HSPH1: variants seen among roughly 807,000 people sequenced by gnomAD.
HSPH1 encodes heat shock protein family H (Hsp110) member 1, also known as heat shock protein 105 kDa.
A neutral mutation model predicts 100.0 loss-of-function variants in HSPH1; 40 were observed. That is an observed-to-expected ratio of 0.40 (90% confidence interval 0.31 to 0.52). The LOEUF is 0.52. Ranked by LOEUF, HSPH1 falls within the 20% of genes least tolerant of loss-of-function variation. The pLI is 0.54. For synonymous variants in HSPH1, 403 were observed against 344.0 expected (o/e 1.17, Z -1.90); for missense variants, 876 against 1,015.1 (o/e 0.86, Z 1.86).
At chr13:31,154,807 G>A in intron 3 of HSPH1, 52 bp from the exon 4 acceptor site, 13 of 1,507,902 alleles carry the variant, frequency 8.6e-6, no homozygotes, top group Non-Finnish European at 1.2e-5. Context: ...TAAGCTACAT[G>A]CCAATATTTA....
chr13:31,161,910 G>A (rs542373887), upstream of HSPH1: 28 of 1,511,944 alleles, frequency 1.9e-5, no homozygotes, highest in African/African-American at 5.5e-5. Flanking sequence ...GACCCAAAAG[G>A]GGAGGTCCCA....
chr13:31,157,743 G>A (rs1452734844), intron 2 of HSPH1, among the ~76,000 whole-genome samples: 1 of 152,138 alleles, frequency 6.6e-6, no homozygotes, highest in Non-Finnish European at 1.5e-5. Context: ...GGTCTGTCTA[G>A]ATCAGTGCTG....
rs1286867417 is a variant in HSPH1, at chr13:31,143,984, A to C, written c.1585-61T>G. ...GCAGGTGTACTTGTATAAATTTTTA[A>C]AGTTAAAGGGCACCAAAGAAAGTAC... is the stretch of plus-strand genomic sequence containing the variant. On this transcript the variant is annotated intron_variant, in intron 11 of 17. Coordinates refer to ENST00000320027, the MANE Select transcript of HSPH1 (RefSeq NM_006644.4). 7.3e-6 allele frequency: 10 copies of C among 1,372,070 alleles called. No individual in the cohort carries two copies. The East Asian group carries it at 1.1e-4, about 15-fold the overall frequency. The allele number at this position is 1,372,070 out of a possible 1,614,324, so 85.0% of individuals were successfully genotyped here. A position where few individuals can be genotyped will look rare whatever the true frequency, so the allele number is the denominator to read the frequency against.
chr13:31,141,291 T>C (rs767547367), intron 12 of HSPH1, 32 bp from the exon 13 acceptor site: 1 of 1,555,902 alleles, frequency 6.4e-7, no homozygotes, highest in Non-Finnish European at 8.7e-7. Flanking sequence ...AGGAAAAAAT[T>C]TTAAACAACC....
At position 31,138,770 on chromosome 13, in the gene HSPH1, G is replaced by C; in HGVS notation, c.2208+11C>G. 6.3e-7 allele frequency: 1 copy of C among 1,598,202 alleles called. No individual in the cohort carries two copies. Among genetic ancestry groups the C allele is most frequent in the Non-Finnish European group, 8.5e-7 (1 of 1,175,682 alleles). On this transcript the variant is annotated intron_variant, in intron 16 of 17. Transcript: ENST00000320027. ...TTAACTTCCTCCCTATGTACAAAAAGACTGACTCACCTTATTTCTGAAGTC... is the reference window on the plus strand; with the variant it reads ...TTAACTTCCTCCCTATGTACAAAAACACTGACTCACCTTATTTCTGAAGTC...
intron 11 of HSPH1, 118 bp downstream of exon 11, chr13:31,145,445 T>G (rs1956233653): frequency 1.3e-6 from 1 of 744,864 alleles, no homozygotes; most frequent in Non-Finnish European, 2.2e-6. Flanking sequence ...TACCTAAAAT[T>G]CTGATCAAAA....
chr13:31,144,180 C>A (rs1335265714), intron 11 of HSPH1, among the ~76,000 whole-genome samples: 1 of 152,070 alleles, frequency 6.6e-6, no homozygotes, highest in African/African-American at 2.4e-5. Context: ...GATGTGATGA[C>A]AATCAAGAAT....
chr13:31,150,950 T>C lies in HSPH1; in HGVS notation c.905A>G (p.Asn302Ser). ...MNDKDVSGKM[N>S]RSQFEELCAE... ...ATCTGTAGAATTCAAGACACACCTG[T>C]TCATCTTTCCGGAAACATCTTTATC... The change falls in exon 7 of 18, where the codon AAC (asparagine) becomes AGC (serine). Residue 302 changes from asparagine to serine, a missense_variant. Coordinates refer to ENST00000320027, the MANE Select transcript of HSPH1 (RefSeq NM_006644.4). 6.2e-7 allele frequency: 1 copy of C among 1,609,590 alleles called. No individual in the cohort carries two copies. The highest frequency in any genetic ancestry group is 8.5e-7 in the Non-Finnish European group (1 of 1,178,002).
rs777270681 is a variant in HSPH1, at chr13:31,137,357, G to C, written c.2538C>G (p.Tyr846Ter). Reference sequence around the variant, plus strand: ...TATTAACAGAATTTTTCTCATTAGGGTAACATTCACCATTCTGATGTGGAG... The same window carrying C: ...TATTAACAGAATTTTTCTCATTAGGCTAACATTCACCATTCTGATGTGGAG... ...AEPPHQNGEC[Y>*]PNEKNSVNMD... The change falls in exon 18 of 18, where the codon TAC becomes TAG. Residue 846 changes from tyrosine (Y) to a stop codon, truncating the protein, a stop_gained. Coordinates refer to ENST00000320027, the MANE Select transcript of HSPH1 (RefSeq NM_006644.4). LOFTEE classifies it high-confidence loss of function. 1.2e-6 allele frequency: 2 copies of C among 1,612,612 alleles called. No individual in the cohort carries two copies. Among genetic ancestry groups the C allele is most frequent in the Middle Eastern group, 3.3e-4 (2 of 6,062 alleles).
chr13:31,140,197 A>T lies in HSPH1; in HGVS notation c.1967T>A (p.Phe656Tyr). ...RDKLCGPYEK[F>Y]ICEQDHQNFL... Reference sequence around the variant, plus strand: ...TCTAAGACATACCTGCTCACATATAAATTTTTCATATGGTCCACACAGCTT... The same window carrying T: ...TCTAAGACATACCTGCTCACATATATATTTTTCATATGGTCCACACAGCTT... Residue 656 changes from phenylalanine (F) to tyrosine (Y), a missense_variant, in exon 14 of 18, where the codon TTT becomes TAT. Transcript: ENST00000320027. The T allele has an allele frequency of 6.2e-7, 1 of 1,611,060 alleles. No individual in the cohort carries two copies. Among genetic ancestry groups the T allele is most frequent in the Non-Finnish European group, 8.5e-7 (1 of 1,178,266 alleles).
At chr13:31,157,976 T>C (rs975845404) in intron 2 of HSPH1, among the ~76,000 whole-genome samples, 20 of 152,258 alleles carry the variant, frequency 1.3e-4, no homozygotes, top group African/African-American at 4.8e-4. Context: ...GTGTATTTTA[T>C]ACTTCACATT....
Position 31,139,001 on chromosome 13 carries a change from A to G in HSPH1, c.2087T>C (p.Met696Thr). ...QAYVDKLEELMKIGTPVKVRF... is the reference protein window; with the variant it reads ...QAYVDKLEELTKIGTPVKVRF... ...CTTTTGGGGGAGAAAACGACCTACC[A>G]TTAATTCTTCCAACTTGTCAACATA... Residue 696 changes from methionine to threonine, a missense_variant and splice_region_variant, in exon 15 of 18, where the codon ATG (methionine) becomes ACG (threonine). Met to Thr is a moderately conservative substitution (Grantham distance 81). Transcript: ENST00000320027. The G allele has an allele frequency of 6.2e-7, 1 of 1,607,828 alleles. No individual in the cohort carries two copies. Among genetic ancestry groups the G allele is most frequent in the South Asian group, 1.1e-5 (1 of 90,840 alleles).
At chr13:31,162,248 C>G (rs1956951401), upstream of HSPH1, 1 of 726,678 alleles carries the variant, frequency 1.4e-6, no homozygotes, top group Non-Finnish European at 2.3e-6. Flanking sequence ...GAGGTGGTGT[C>G]CGATCCTTAA....
intron 3 of HSPH1, 34 bp from the exon 4 acceptor site, chr13:31,154,789 T>C (rs370377141): frequency 1.3e-6 from 2 of 1,592,266 alleles, no homozygotes; most frequent in Non-Finnish European, 8.6e-7. Context: ...TTAAACATTG[T>C]AGTACTTTAA....
chr13:31,146,251 T>C (rs1424664034), intron 10 of HSPH1, among the ~76,000 whole-genome samples: 1 of 152,216 alleles, frequency 6.6e-6, no homozygotes, highest in Non-Finnish European at 1.5e-5. Flanking sequence ...CTTTACCAAA[T>C]TGAAGTCCTC....
chr13:31,153,454 A>G (rs1350455191), intron 4 of HSPH1, among the ~76,000 whole-genome samples: 3 of 152,218 alleles, frequency 2.0e-5, no homozygotes, highest in Non-Finnish European at 4.4e-5. Flanking sequence ...TCTTTAATTC[A>G]GTCAACCTGT....
chr13:31,138,694 A>C, intron 16 of HSPH1, 87 bp downstream of exon 16: 9 of 1,538,130 alleles, frequency 5.9e-6, no homozygotes, highest in Non-Finnish European at 7.9e-6. Context: ...TTCAAAGTTA[A>C]GACTATTCAT....
rs1956928905 is a variant in HSPH1, at chr13:31,161,798, C to A, written c.-216G>T. ...CAGCGGCGGCTGGCTGATAAGAAAC[C>A]CTGGGAGAAAGCGGGGCTCAGCCTC... On this transcript the variant is annotated 5_prime_UTR_variant, in exon 1 of 18. Transcript: ENST00000320027. 1.3e-6 allele frequency: 2 copies of A among 1,489,956 alleles called. No homozygotes were observed. The highest frequency in any genetic ancestry group is 1.4e-5 in the African/African-American group (1 of 71,516). 92.3% of individuals were successfully genotyped at this position (1,489,956 alleles called of 1,614,324 possible). A position where few individuals can be genotyped will look rare whatever the true frequency, so the allele number is the denominator to read the frequency against.
In HSPH1 at chr13:31,161,790, TAAG is replaced by T; in HGVS notation, c.-211_-209del. On this transcript the variant is annotated 5_prime_UTR_variant, in exon 1 of 18. Transcript: ENST00000320027. Reference sequence around the variant, plus strand: ...CCCGGGGACAGCGGCGGCTGGCTGATAAGAAACCCTGGGAGAAAGCGGGGCTCA... The same window carrying T: ...CCCGGGGACAGCGGCGGCTGGCTGATAAACCCTGGGAGAAAGCGGGGCTCA... 6.7e-7 allele frequency: 1 copy of T among 1,494,590 alleles called. No individual in the cohort carries two copies. The highest frequency in any genetic ancestry group is 1.3e-5 in the South Asian group (1 of 79,668). The allele number at this position is 1,494,590 out of a possible 1,614,324, so 92.6% of individuals were successfully genotyped here.
Sources: allele counts gnomAD v4.1 joint callset (sites outside exome capture counted in the v4.1 genomes callset), GRCh38; gene constraint gnomAD v4.1.1; transcripts MANE v1.5; gene names NCBI Gene and HGNC (gene_info 2026-07-23, HGNC 2026-07-21).